AFF3: variants seen among roughly 807,000 people sequenced by gnomAD.
AFF3 encodes ALF transcription elongation factor 3, also known as AF4/FMR2 family member 3.
In AFF3, 32 loss-of-function variants were observed where a neutral mutation model predicts 129.7. The ratio of observed to expected loss-of-function variants is 0.25; its 90% confidence interval spans 0.19 to 0.33. The LOEUF is 0.33. Ranked by LOEUF, AFF3 falls within the 10% of genes least tolerant of loss-of-function variation. The probability of loss-of-function intolerance (pLI) is 1.00; values close to 1 mark genes in which losing one functional copy is unlikely to be tolerated. For missense variants in AFF3, 1,373 were observed against 1,592.0 expected (o/e 0.86, Z 2.34); for synonymous variants, 644 against 635.4 (o/e 1.01, Z -0.20).
At chr2:99,578,244 C>T in intron 18 of AFF3, 83 bp downstream of exon 18, 1 of 1,472,908 alleles carries the variant, frequency 6.8e-7, no homozygotes, top group Non-Finnish European at 9.0e-7. Flanking sequence ...AAGGTGGCCA[C>T]ACCAAGGTGC....
chr2:100,086,554 A>G (rs1202260499), intron 4 of AFF3, among the ~76,000 whole-genome samples: 3 of 152,300 alleles, frequency 2.0e-5, no homozygotes, highest in South Asian at 2.1e-4. Flanking sequence ...AAGAATTCCC[A>G]TATCTAAGAG....
chr2:99,638,601 C>T (rs1270255364), intron 13 of AFF3, among the ~76,000 whole-genome samples: 1 of 152,154 alleles, frequency 6.6e-6, no homozygotes, highest in Non-Finnish European at 1.5e-5. Context: ...AGGAAGTCTT[C>T]TCCACTAGCA....
chr2:99,740,016 T>C (rs1419513360), intron 10 of AFF3, among the ~76,000 whole-genome samples: 1 of 137,076 alleles, frequency 7.3e-6, no homozygotes. Context: ...CCTGTGTCCA[T>C]GTGTTCTCAT....
At chr2:100,026,221 T>TA (rs907474956) in intron 4 of AFF3, among the ~76,000 whole-genome samples, 1 of 151,756 alleles carries the variant, frequency 6.6e-6, no homozygotes, top group African/African-American at 2.4e-5. Context: ...AACAATCCCA[T>TA]AAAAAAGTGG....
chr2:99,599,315 G>A (rs1198617997), intron 14 of AFF3, among the ~76,000 whole-genome samples: 5 of 152,190 alleles, frequency 3.3e-5, no homozygotes. Context: ...CTGGAGTACA[G>A]TGGTGTGATC....
chr2:99,987,840 C>T (rs1280799764), intron 7 of AFF3, among the ~76,000 whole-genome samples: 1 of 152,204 alleles, frequency 6.6e-6, no homozygotes, highest in Non-Finnish European at 1.5e-5. Context: ...ATTATTTTCT[C>T]AATCTCCAGC....
chr2:100,006,015 T>C (rs182229565), intron 7 of AFF3: 42 of 152,364 alleles, frequency 2.8e-4, no homozygotes, highest in African/African-American at 8.9e-4. Flanking sequence ...TATTTTTTTC[T>C]TCATGTACTC....
chr2:99,713,885 G>A (rs1678140297), intron 11 of AFF3, among the ~76,000 whole-genome samples: 1 of 151,882 alleles, frequency 6.6e-6, no homozygotes, highest in Non-Finnish European at 1.5e-5. Context: ...ATTTTTAGTA[G>A]AGATGGGGTT....
intron 4 of AFF3, among the ~76,000 whole-genome samples, chr2:100,041,576 G>C (rs1478174829): frequency 6.6e-6 from 1 of 152,048 alleles, no homozygotes; most frequent in African/African-American, 2.4e-5. Flanking sequence ...ATCCAGGTTG[G>C]CCTAATGCTG....
chr2:99,817,151 G>A (rs116283920), intron 8 of AFF3, among the ~76,000 whole-genome samples: 3,233 of 152,184 alleles, frequency 0.021, 102 homozygotes, highest in African/African-American at 0.072. Flanking sequence ...CAACTTCCTC[G>A]GTCAAGACCA....
Position 99,560,528 on chromosome 2 carries a change from T to C in AFF3, c.3120-92A>G, listed in dbSNP as rs947185984. ...TTTTTTATTAACAGAACTTCTATGATGGTAGTTCTCCCTGCCTGATCCTTA... is the reference window on the plus strand; with the variant it reads ...TTTTTTATTAACAGAACTTCTATGACGGTAGTTCTCCCTGCCTGATCCTTA... On this transcript the variant is annotated intron_variant, in intron 20 of 24. Transcript: ENST00000672756. 2.2e-5 allele frequency: 27 copies of C among 1,201,460 alleles called. No homozygotes were observed. In the South Asian group the frequency reaches 3.2e-4, roughly 14 times the overall value. 74.4% of individuals were successfully genotyped at this position (1,201,460 alleles called of 1,614,324 possible). A position where few individuals can be genotyped will look rare whatever the true frequency, so the allele number is the denominator to read the frequency against.
At chr2:99,799,659 C>T (rs1173404471) in intron 8 of AFF3, among the ~76,000 whole-genome samples, 1 of 151,730 alleles carries the variant, frequency 6.6e-6, no homozygotes, top group Non-Finnish European at 1.5e-5. Flanking sequence ...TTAAAATAAC[C>T]AAAATAACTT....
chr2:99,961,686 C>T (rs1677224003), intron 7 of AFF3, among the ~76,000 whole-genome samples: 1 of 152,126 alleles, frequency 6.6e-6, no homozygotes, highest in Non-Finnish European at 1.5e-5. Context: ...AAGGGGCAGC[C>T]AAAGGTTCCA....
At chr2:100,107,400 C>CA (rs1050283045) in intron 2 of AFF3, 2 of 984,512 alleles carry the variant, frequency 2.0e-6, no homozygotes, top group African/African-American at 1.8e-5. Flanking sequence ...TAATACAAAG[C>CA]AAAAAAAGGG....
intron 7 of AFF3, among the ~76,000 whole-genome samples, chr2:99,889,520 A>G (rs948106395): frequency 6.6e-6 from 1 of 152,258 alleles, no homozygotes; most frequent in African/African-American, 2.4e-5. Flanking sequence ...AAGCACCCGC[A>G]TAACGCCTTC....
At chr2:99,860,467 T>C (rs1690894737) in intron 7 of AFF3, among the ~76,000 whole-genome samples, 1 of 152,060 alleles carries the variant, frequency 6.6e-6, no homozygotes, top group African/African-American at 2.4e-5. Context: ...GGCAGGAGAA[T>C]AGGGTGAACC....
At chr2:99,957,925 G>A (rs1676821249) in intron 7 of AFF3, among the ~76,000 whole-genome samples, 1 of 152,138 alleles carries the variant, frequency 6.6e-6, no homozygotes, top group Admixed American at 6.5e-5. Context: ...CTTTTTAGAT[G>A]CTTGAAGAAT....
At chr2:99,618,892 C>G (rs1011264642) in intron 13 of AFF3, among the ~76,000 whole-genome samples, 2 of 82,672 alleles carry the variant, frequency 2.4e-5, no homozygotes, top group Non-Finnish European at 4.9e-5. Context: ...TAGCTCTGAT[C>G]GATTCATTCA....
chr2:99,934,487 G>A (rs1674343838), intron 7 of AFF3, among the ~76,000 whole-genome samples: 1 of 152,122 alleles, frequency 6.6e-6, no homozygotes, highest in Admixed American at 6.5e-5. Flanking sequence ...ATGTTCTTAA[G>A]CATCTCACAA....
Sources: allele counts gnomAD v4.1 joint callset (sites outside exome capture counted in the v4.1 genomes callset), GRCh38; gene constraint gnomAD v4.1.1; transcripts MANE v1.5; gene names NCBI Gene and HGNC (gene_info 2026-07-23, HGNC 2026-07-21).